ARID3B: variants seen among roughly 807,000 people sequenced by gnomAD.
The protein encoded by ARID3B is AT-rich interactive domain-containing protein 3B.
ARID3B carries 10 observed loss-of-function variants against 51.9 expected under a neutral mutation model. The ratio of observed to expected loss-of-function variants is 0.19; its 90% confidence interval spans 0.12 to 0.33. ARID3B has a LOEUF of 0.33. ARID3B is among the 10% of genes least tolerant of loss of function. The probability of loss-of-function intolerance (pLI) is 1.00; values close to 1 mark genes in which losing one functional copy is unlikely to be tolerated. For synonymous variants in ARID3B, 205 were observed against 279.5 expected, an observed-to-expected ratio of 0.73 and a Z score of 2.66; for missense variants, 483 against 716.3, an observed-to-expected ratio of 0.67 and a Z score of 3.72.
chr15:74,543,993 C>G lies in ARID3B; in HGVS notation c.57C>G (p.His19Gln), dbSNP rs2061604709. 6.2e-7 allele frequency: 1 copy of G among 1,611,696 alleles called. No homozygotes were observed. The highest frequency in any genetic ancestry group is 1.3e-5 in the African/African-American group (1 of 74,936). The part of the protein sequence containing the change: ...QQQQQQQKQP[H>Q]LAPLQMDARE... ...AGCAGCAACAACAGAAGCAGCCACA[C>G]CTGGCTCCTCTGCAGATGGATGCCA... The change falls in exon 2 of 9, where the codon CAC (histidine) becomes CAG (glutamine). Residue 19 changes from histidine to glutamine, a missense_variant. His to Gln is a conservative substitution (Grantham distance 24). Transcript: ENST00000346246.
At chr15:74,561,847 T>A (rs533004613) in intron 2 of ARID3B, among the ~76,000 whole-genome samples, 4 of 152,352 alleles carry the variant, frequency 2.6e-5, no homozygotes, top group Admixed American at 2.6e-4. Flanking sequence ...CTACTTCAAG[T>A]ACCCATACAA....
In ARID3B at chr15:74,595,744, C is replaced by T. The variant is rs147089115; in HGVS notation, c.1653C>T (p.Ser551=). 6.6e-5 allele frequency: 107 copies of T among 1,609,036 alleles called. No individual in the cohort carries two copies. Among genetic ancestry groups the T allele is most frequent in the African/African-American group, 5.6e-4 (42 of 74,958 alleles). The change falls in exon 9 of 9, where the codon AGC becomes AGT. Residue 551 remains serine (S), a synonymous_variant. Transcript: ENST00000346246. The part of the protein sequence containing the change: ...PSPTSSRGTP[S]AEPSTSWSL ...CTACCTCATCCCGGGGCACCCCCAG[C>T]GCAGAGCCCTCCACCAGCTGGTCCC... is the stretch of plus-strand genomic sequence containing the variant.
chr15:74,592,225 C>T (rs2061806309), intron 7 of ARID3B, among the ~76,000 whole-genome samples: 2 of 152,192 alleles, frequency 1.3e-5, no homozygotes, highest in Admixed American at 1.3e-4. Context: ...GGCCAAGTTG[C>T]CCCGGGCTGG....
chr15:74,555,836 G>A (rs1228153106), intron 2 of ARID3B, among the ~76,000 whole-genome samples: 1 of 127,484 alleles, frequency 7.8e-6, no homozygotes, highest in South Asian at 2.5e-4. Flanking sequence ...TTGTTGCCCA[G>A]GCTGGAGTGC....
intron 4 of ARID3B, among the ~76,000 whole-genome samples, chr15:74,581,572 T>C (rs1440759533): frequency 2.6e-5 from 4 of 152,190 alleles, no homozygotes; most frequent in Admixed American, 1.3e-4. Context: ...GATTAGCCCT[T>C]TGTCTCAGGC....
In ARID3B at chr15:74,544,479, G is replaced by A. The variant is rs1452243033; in HGVS notation, c.543G>A (p.Gln181=). The change falls in exon 2 of 9, where the codon CAG becomes CAA. Residue 181 remains glutamine, a synonymous_variant. Coordinates refer to ENST00000346246, the MANE Select transcript of ARID3B (RefSeq NM_006465.4). The part of the protein sequence containing the change: ...AGQPNWNLDE[Q]LKQNGGLAWS... ...AGCCGAACTGGAATCTGGATGAGCAGCTCAAGCAGGTCAGTCTTTCTGGTA... is the reference window on the plus strand; with the variant it reads ...AGCCGAACTGGAATCTGGATGAGCAACTCAAGCAGGTCAGTCTTTCTGGTA... The A allele has an allele frequency of 6.2e-7, 1 of 1,613,374 alleles. No homozygotes were observed. The highest frequency in any genetic ancestry group is 1.7e-5 in the Admixed American group (1 of 59,916).
chr15:74,572,883 G>C lies in ARID3B; in HGVS notation c.574G>C (p.Asp192His). 6.2e-7 allele frequency: 1 copy of C among 1,614,212 alleles called. No individual in the cohort carries two copies. The highest frequency in any genetic ancestry group is 1.1e-5 in the South Asian group (1 of 91,086). ...TTAGAATGGTGGTTTGGCCTGGAGT[G>C]ATGATGCAGATGGAGGCCGGGGAAG... ...LKQNGGLAWS[D>H]DADGGRGREI... is the part of the protein sequence containing the mutation. The change falls in exon 3 of 9, where the codon GAT (aspartate) becomes CAT (histidine). Residue 192 changes from aspartate (D) to histidine (H), a missense_variant. Transcript: ENST00000346246.
chr15:74,572,843 G>A lies in ARID3B; in HGVS notation c.553-19G>A. ...CTCTTCCTTTGCCCCTCTCAACTTT[G>A]TGTTTTGTTCCCTTTTAGAATGGTG... On this transcript the variant is annotated intron_variant, in intron 2 of 8. Transcript: ENST00000346246. 6.2e-7 allele frequency: 1 copy of A among 1,613,542 alleles called. No individual in the cohort carries two copies. The highest frequency in any genetic ancestry group is 8.5e-7 in the Non-Finnish European group (1 of 1,179,508).
At chr15:74,563,747 T>G (rs923905509) in intron 2 of ARID3B, among the ~76,000 whole-genome samples, 2 of 152,180 alleles carry the variant, frequency 1.3e-5, no homozygotes, top group Non-Finnish European at 2.9e-5. Context: ...AGCTAGGACT[T>G]ACTTACCTCT....
intron 2 of ARID3B, among the ~76,000 whole-genome samples, chr15:74,567,933 G>A (rs1228827795): frequency 6.6e-6 from 1 of 152,174 alleles, no homozygotes; most frequent in Non-Finnish European, 1.5e-5. Flanking sequence ...GTCAGACCTT[G>A]ATTCATTATT....
chr15:74,581,613 C>G (rs1180296561), intron 4 of ARID3B, among the ~76,000 whole-genome samples: 1 of 152,138 alleles, frequency 6.6e-6, no homozygotes, highest in Non-Finnish European at 1.5e-5. Context: ...GGTGACCCAG[C>G]TGCTGTTAAA....
intron 2 of ARID3B, among the ~76,000 whole-genome samples, chr15:74,546,775 T>A (rs1365319457): frequency 1.3e-5 from 2 of 152,184 alleles, no homozygotes; most frequent in Non-Finnish European, 2.9e-5. Context: ...AAAATTTACC[T>A]TCCCCCAGGA....
At chr15:74,579,872 T>TGTGTGTGTGTGC (rs1488209764) in intron 4 of ARID3B, among the ~76,000 whole-genome samples, 139 of 118,966 alleles carry the variant, frequency 1.2e-3, no homozygotes, top group Non-Finnish European at 1.7e-3. Context: ...TGTGTGTGTG[T>TGTGTGTGTGTGC]GCGCGCGCGC....
At chr15:74,589,059 TCACTGTC>T (rs2061793439) in intron 4 of ARID3B, among the ~76,000 whole-genome samples, 1 of 73,776 alleles carries the variant, frequency 1.4e-5, no homozygotes, top group African/African-American at 7.8e-5. Flanking sequence ...TAAGACAGTC[TCACTGTC>T]GCCCAGGCTG....
At chr15:74,593,285 C>A in intron 8 of ARID3B, 49 bp downstream of exon 8, 1 of 1,553,614 alleles carries the variant, frequency 6.4e-7, no homozygotes, top group Non-Finnish European at 8.8e-7. Context: ...CAGCTAGCCA[C>A]AGGGCAGCTC....
At chr15:74,565,737 T>G (rs546246887) in intron 2 of ARID3B, among the ~76,000 whole-genome samples, 12 of 151,342 alleles carry the variant, frequency 7.9e-5, no homozygotes, top group East Asian at 5.8e-4. Context: ...TTTTTTTGTT[T>G]TTTTTTTTTT....
intron 4 of ARID3B, 28 bp downstream of exon 4, chr15:74,573,232 A>G: frequency 7.5e-6 from 12 of 1,602,646 alleles, no homozygotes; most frequent in East Asian, 2.2e-5. Context: ...CATCATTCCA[A>G]TTCAGGGAAT....
At chr15:74,593,299 G>C (rs555918808) in intron 8 of ARID3B, 63 bp downstream of exon 8, 1 of 1,472,814 alleles carries the variant, frequency 6.8e-7, no homozygotes, top group Admixed American at 1.9e-5. Context: ...GCAGCTCTGC[G>C]GCTGGCCCTG....
rs1015112327 is a variant in ARID3B, at chr15:74,591,305, G to A, written c.1036G>A (p.Ala346Thr). ...FGYSPAAATA[A>T]AAAGAPALLS... ...CTACTCACCTGCTGCGGCTACTGCT[G>A]CTGCCGCTGCCGGGGCCCCTGCCCT... The change falls in exon 6 of 9, where the codon GCT (alanine) becomes ACT (threonine). Residue 346 changes from alanine (A) to threonine (T), a missense_variant. Around this residue, in one of 3 missense-constraint regions of ARID3B, gnomAD observed 265 missense variants for 354.4 expected, o/e 0.75. Coordinates refer to ENST00000346246, the MANE Select transcript of ARID3B (RefSeq NM_006465.4). The surrounding 1 kb of genome is among the most constrained non-coding windows in gnomAD (Gnocchi z 5.8). 1 of 1,613,410 alleles carries A rather than the reference G, an allele frequency of 6.2e-7. No homozygotes were observed. Among genetic ancestry groups the A allele is most frequent in the African/African-American group, 1.3e-5 (1 of 74,918 alleles).
Sources: allele counts gnomAD v4.1 joint callset (sites outside exome capture counted in the v4.1 genomes callset), GRCh38; gene constraint gnomAD v4.1.1; regional missense constraint gnomAD v4.1.1; non-coding constraint Gnocchi (gnomAD v3.1); transcripts MANE v1.5; gene names NCBI Gene and HGNC (gene_info 2026-07-23, HGNC 2026-07-21).